Variants in GAB4 observed in about 807,000 individuals in gnomAD.
The protein encoded by GAB4 is GRB2 associated binding protein family member 4.
Under a neutral mutation model 51.3 loss-of-function variants are expected in GAB4, and 26 were observed. The observed-to-expected ratio is 0.51, with a 90% CI of 0.37 to 0.70. The LOEUF (loss-of-function observed/expected upper bound fraction) is 0.70. Ranked by LOEUF, GAB4 falls within the 30% of genes least tolerant of loss-of-function variation. The pLI is 0.00. For synonymous variants in GAB4, 329 were observed against 291.2 expected (o/e 1.13, Z -1.32); for missense variants, 759 against 734.6 (o/e 1.03, Z -0.38).
At chr22:17,007,282 C>T (rs73147679) in intron 1 of GAB4, among the ~76,000 whole-genome samples, 6,176 of 152,284 alleles carry the variant, frequency 0.041, 196 homozygotes, top group African/African-American at 0.072. Context: ...GAAAGGGCAA[C>T]CAATCTTCTT....
Position 16,965,261 on chromosome 22 carries a change from T to G in GAB4, c.1296A>C (p.Pro432=). ...TGTTGTTTCTCAGGTTGGGCGGTGT[T>G]GGGTTGGCTGGAGCAGGAAAAGAAC... The part of the protein sequence containing the change: ...RSLKPNQKAN[P]TPPNLRNNRV... The change falls in exon 7 of 10, where the codon CCA becomes CCC. Residue 432 remains proline, a synonymous_variant. Transcript: ENST00000400588. 3.7e-6 allele frequency: 6 copies of G among 1,613,712 alleles called. No homozygotes were observed. The South Asian group carries it at 5.5e-5, about 15-fold the overall frequency.
rs770471193 is a variant in GAB4 at position 16,964,879 on chromosome 22, G to T, written c.1380-17C>A. 1.9e-6 allele frequency: 3 copies of T among 1,600,284 alleles called. No homozygotes were observed. Among genetic ancestry groups the T allele is most frequent in the Non-Finnish European group, 2.6e-6 (3 of 1,167,872 alleles). On this transcript the variant is annotated splice_polypyrimidine_tract_variant and intron_variant, in intron 7 of 9. Transcript: ENST00000400588. ...AAGGTGTGGCTGTCATGGGAAGAAG[G>T]CAAGGAGTACATCCTGGGTGGGGCT...
chr22:16,990,389 CACAGTA>C (rs1372970145), intron 2 of GAB4, among the ~76,000 whole-genome samples: 2 of 152,294 alleles, frequency 1.3e-5, no homozygotes, highest in East Asian at 3.9e-4. Context: ...CAGTGTGTAA[CACAGTA>C]AGTATGTGTT....
intron 6 of GAB4, 86 bp from the exon 7 acceptor site, chr22:16,965,354 A>C (rs2060663948): frequency 9.8e-7 from 1 of 1,017,218 alleles, no homozygotes; most frequent in African/African-American, 1.6e-5. Context: ...TGTGCTTAGA[A>C]AGGCCCACCC....
intron 8 of GAB4, 123 bp from the exon 9 acceptor site, chr22:16,963,952 C>A: frequency 1.4e-6 from 1 of 692,438 alleles, no homozygotes; most frequent in Non-Finnish European, 2.5e-6. Flanking sequence ...TGCACTGGGG[C>A]ACTCTCTGCT....
chr22:16,991,809 T>C, intron 2 of GAB4, 64 bp downstream of exon 2: 2 of 1,361,256 alleles, frequency 1.5e-6, no homozygotes, highest in Non-Finnish European at 2.0e-6. Context: ...GCTGCCCTCC[T>C]TGCTGGAGAT....
chr22:17,007,878 C>A, intron 1 of GAB4, 63 bp downstream of exon 1: 1 of 1,448,348 alleles, frequency 6.9e-7, no homozygotes, highest in Non-Finnish European at 9.2e-7. Flanking sequence ...CTCCCCCACG[C>A]CCCTCCCGGA....
At chr22:16,969,323 T>A (rs191954822) in intron 4 of GAB4, among the ~76,000 whole-genome samples, 141 of 152,364 alleles carry the variant, frequency 9.3e-4, no homozygotes, top group African/African-American at 3.3e-3. Context: ...ATACATACAC[T>A]ATGATGATTT....
chr22:16,997,017 T>C (rs1287025278), intron 1 of GAB4, among the ~76,000 whole-genome samples: 1 of 152,138 alleles, frequency 6.6e-6, no homozygotes, highest in African/African-American at 2.4e-5. Flanking sequence ...CTGCATAGTA[T>C]TCCATGGTGT....
At chr22:16,972,076 T>C (rs757630) in intron 3 of GAB4, among the ~76,000 whole-genome samples, 128,041 of 152,266 alleles carry the variant, frequency 0.84, 54,409 homozygotes, top group African/African-American at 0.96. Flanking sequence ...TTTGGAGTTT[T>C]CAGCTCTCTG....
chr22:16,971,410 T>G (rs73145690), intron 3 of GAB4, among the ~76,000 whole-genome samples: 13,915 of 152,066 alleles, frequency 0.092, 804 homozygotes, highest in Admixed American at 0.16. Context: ...TTCGGCTTTA[T>G]GAGAGTGGTT....
intron 1 of GAB4, among the ~76,000 whole-genome samples, chr22:17,000,558 A>G (rs144043521): frequency 0.015 from 2,302 of 152,222 alleles, 56 homozygotes; most frequent in African/African-American, 0.052. Context: ...GGTCTCCTGA[A>G]AACAGCACAC....
At chr22:16,996,185 G>C (rs539630735) in intron 1 of GAB4, among the ~76,000 whole-genome samples, 101 of 151,510 alleles carry the variant, frequency 6.7e-4, no homozygotes, top group African/African-American at 2.3e-3. Context: ...TAGCCGAATT[G>C]ATCAAGCAGA....
At chr22:17,007,817 G>A (rs1048048025) in intron 1 of GAB4, 124 bp downstream of exon 1, 3 of 865,600 alleles carry the variant, frequency 3.5e-6, no homozygotes, top group Admixed American at 2.9e-5. Flanking sequence ...TTCGCATGCA[G>A]ACGTGGAGAA....
At chr22:16,986,364 C>T (rs143886281) in intron 3 of GAB4, among the ~76,000 whole-genome samples, 3 of 152,122 alleles carry the variant, frequency 2.0e-5, no homozygotes, top group African/African-American at 2.4e-5. Context: ...ACAAGAACAA[C>T]GACTGGAAGA....
rs774589343 is a variant in GAB4, at chr22:16,970,803, G to A, written c.687-610C>T. Among the ~76,000 whole-genome samples the A allele has an allele frequency of 7.2e-5, 11 of 152,142 alleles. No individual in the cohort carries two copies. The South Asian group carries it at 1.0e-3, about 14-fold the overall frequency. ...AGATCCATCTTCTACCAGGTTTTACGGTGGTTAGAGAGGCAATTCGAAGGA... is the reference window on the plus strand; with the variant it reads ...AGATCCATCTTCTACCAGGTTTTACAGTGGTTAGAGAGGCAATTCGAAGGA... On this transcript the variant is annotated intron_variant, in intron 3 of 9. Coordinates refer to ENST00000400588, the MANE Select transcript of GAB4 (RefSeq NM_001037814.1).
chr22:16,975,454 C>T (rs1239919221), intron 3 of GAB4, among the ~76,000 whole-genome samples: 1 of 152,236 alleles, frequency 6.6e-6, no homozygotes, highest in Non-Finnish European at 1.5e-5. Context: ...CAGACTGCCT[C>T]TCTAGATTCT....
Position 16,970,012 on chromosome 22 carries a change from T to G in GAB4, c.868A>C (p.Ile290Leu), listed in dbSNP as rs779627579. The G allele has an allele frequency of 1.2e-6, 2 of 1,614,048 alleles. No homozygotes were observed. The highest frequency in any genetic ancestry group is 3.3e-5 in the Admixed American group (2 of 60,010). The stretch of plus-strand genomic sequence containing the variant: ...CCATGGGAGGCCAGGCTCCAGGGGA[T>G]TCTGTGGGTGCTGCCTCTGAATTCT... The part of the protein sequence containing the change: ...NAEFRGSTHR[I>L]PWSLASHGHT... The change falls in exon 4 of 10, where the codon ATC becomes CTC. Residue 290 changes from isoleucine to leucine, a missense_variant. By Grantham distance (5) the Ile-to-Leu change is conservative. This residue lies in a region of GAB4 where 588 missense variants were observed against 510.2 expected (regional missense o/e 1.15). Transcript: ENST00000400588.
chr22:16,963,487 CCA>C lies in GAB4; in HGVS notation c.1581+236_1581+237del, dbSNP rs1177898771. On this transcript the variant is annotated intron_variant, in intron 9 of 9. Transcript: ENST00000400588. ...TCCACAACCTCCACAGATCAGGTCT[CCA>C]CACAGTCATCTGTCTCTAATGGGGA... is the stretch of plus-strand genomic sequence containing the variant. Among the ~76,000 whole-genome samples the C allele has an allele frequency of 5.9e-5, 9 of 152,282 alleles. 1 individual carries two copies. The South Asian group carries it at 1.9e-3, about 32-fold the overall frequency.
Sources: gnomAD v4.1 joint callset for allele counts (sites outside exome capture counted in the v4.1 genomes callset) on GRCh38, gnomAD v4.1.1 for gene constraint, gnomAD v4.1.1 regional missense constraint, MANE v1.5 for transcripts, NCBI Gene and HGNC (gene_info 2026-07-23, HGNC 2026-07-21) for gene names.